Variants in EPB41L1 observed in about 807,000 individuals in gnomAD.
The protein encoded by EPB41L1 is band 4.1-like protein 1.
Under a neutral mutation model 97.8 loss-of-function variants are expected in EPB41L1, and 29 were observed. That is an observed-to-expected ratio of 0.30 (90% confidence interval 0.22 to 0.40). EPB41L1 has a LOEUF of 0.40. Ranked by LOEUF, EPB41L1 falls within the 10% of genes least tolerant of loss-of-function variation. The pLI is 1.00. For missense variants in EPB41L1, 812 were observed against 1,162.3 expected (o/e 0.70, Z 4.38); for synonymous variants, 383 against 459.2 (o/e 0.83, Z 2.12).
chr20:36,122,992 T>C (rs960756093), intron 2 of EPB41L1, among the ~76,000 whole-genome samples: 6 of 152,000 alleles, frequency 3.9e-5, no homozygotes, highest in African/African-American at 1.2e-4. Context: ...GCCAACATCC[T>C]AGCAAGCATC....
At position 36,212,870 on chromosome 20, in the gene EPB41L1, A is replaced by G. The variant is rs867918817; in HGVS notation, c.2184+494A>G. 3.3e-5 allele frequency among the ~76,000 whole-genome samples: 5 copies of G among 152,258 alleles called. No homozygotes were observed. Among genetic ancestry groups the G allele is most frequent in the African/African-American group, 1.2e-4 (5 of 41,466 alleles). Reference sequence around the variant, plus strand: ...ATCAGTAAAATGAACAAAGTGAAAGAAGAAAACCGAAGATCATGTGTCTTG... The same window carrying G: ...ATCAGTAAAATGAACAAAGTGAAAGGAGAAAACCGAAGATCATGTGTCTTG... On this transcript the variant is annotated intron_variant, in intron 16 of 21. Transcript: ENST00000338074. The surrounding 1 kb of genome is among the most constrained non-coding windows in gnomAD (Gnocchi z 4.8).
At chr20:36,103,411 A>G (rs1226240105) in intron 1 of EPB41L1, among the ~76,000 whole-genome samples, 1 of 151,916 alleles carries the variant, frequency 6.6e-6, no homozygotes, top group Admixed American at 6.6e-5. Flanking sequence ...CCCTCCCTCT[A>G]TTTGTGGATT....
chr20:36,216,395 CG>C (rs1190140160), intron 17 of EPB41L1, among the ~76,000 whole-genome samples: 1 of 151,870 alleles, frequency 6.6e-6, no homozygotes, highest in African/African-American at 2.4e-5. Context: ...GAGGAGGAGT[CG>C]GGGGGGAAGA....
At chr20:36,155,937 C>T (rs2060281672) in intron 1 of EPB41L1, among the ~76,000 whole-genome samples, 4 of 144,482 alleles carry the variant, frequency 2.8e-5, no homozygotes, top group Admixed American at 2.7e-4. Context: ...TAGGAGCCTT[C>T]CAGAATCAGT....
intron 3 of EPB41L1, 63 bp downstream of exon 3, chr20:36,175,778 G>A (rs2061201370): frequency 1.3e-6 from 2 of 1,590,364 alleles, no homozygotes; most frequent in Admixed American, 3.4e-5. Context: ...TCCAGGGCAG[G>A]CTCCTGTGTG....
rs113042167 is a variant in EPB41L1, at chr20:36,171,144, T to A, written c.-14-2620T>A. On this transcript the variant is annotated intron_variant, in intron 1 of 21. Transcript: ENST00000338074. ...ATGAGTCTGTGATGCTTTTTTTTTTTTTCTTTTTAAGCAAAATTAAGTAGG... is the reference window on the plus strand; with the variant it reads ...ATGAGTCTGTGATGCTTTTTTTTTTATTCTTTTTAAGCAAAATTAAGTAGG... 3.0e-3 allele frequency among the ~76,000 whole-genome samples: 449 copies of A among 151,960 alleles called. 5 individuals are homozygous for A. Among genetic ancestry groups the A allele is most frequent in the African/African-American group, 0.011 (442 of 41,394 alleles).
chr20:36,190,100 C>G lies in EPB41L1; in HGVS notation c.1027-177C>G, dbSNP rs1465138968. The stretch of plus-strand genomic sequence containing the variant: ...CTGAGGCAGGAGGATCTCTTGAGCC[C>G]AGGAATTCAAGGTTACAGTGAGCTA... On this transcript the variant is annotated intron_variant, in intron 9 of 21. Transcript: ENST00000338074. This position sits in a 1 kb window ranked among gnomAD's most constrained non-coding sequence, Gnocchi z 5.8. 6.6e-6 allele frequency among the ~76,000 whole-genome samples: 1 copy of G among 152,052 alleles called. No individual in the cohort carries two copies. Among genetic ancestry groups the G allele is most frequent in the Non-Finnish European group, 1.5e-5 (1 of 68,022 alleles).
chr20:36,228,072 G>C (rs2147222656), intron 21 of EPB41L1, among the ~76,000 whole-genome samples: 1 of 152,332 alleles, frequency 6.6e-6, no homozygotes, highest in South Asian at 2.1e-4. Context: ...TTTCCTATGT[G>C]TCAAATGAGC....
intron 6 of EPB41L1, among the ~76,000 whole-genome samples, chr20:36,184,471 T>C (rs957025217): frequency 5.9e-5 from 9 of 152,228 alleles, no homozygotes; most frequent in African/African-American, 1.9e-4. Flanking sequence ...ACCAATTTGT[T>C]TTCAGACAAT....
At position 36,154,825 on chromosome 20, in the gene EPB41L1, G is replaced by C. The variant is rs1303729987; in HGVS notation, c.-86G>C. 8.1e-6 allele frequency: 8 copies of C among 993,244 alleles called. No individual in the cohort carries two copies. In the Admixed American group the frequency reaches 4.2e-4, roughly 53 times the overall value. 61.5% of individuals were successfully genotyped at this position (993,244 alleles called of 1,614,324 possible). On this transcript the variant is annotated 5_prime_UTR_variant, in exon 1 of 22. Transcript: ENST00000338074. The surrounding 1 kb of genome is among the most constrained non-coding windows in gnomAD (Gnocchi z 5.5). Reference sequence around the variant, plus strand: ...CGACCCCGCGCCGCCCCGCCCCGCGGCCTGCCTGCCAGAGGAGCCGAGGGG... The same window carrying C: ...CGACCCCGCGCCGCCCCGCCCCGCGCCCTGCCTGCCAGAGGAGCCGAGGGG...
intron 14 of EPB41L1, chr20:36,208,257 G>A (rs761127821): frequency 7.9e-6 from 3 of 378,506 alleles, no homozygotes; most frequent in Admixed American, 3.2e-5. Context: ...CCAGTGCCAA[G>A]TTTCTTTCTG....
chr20:36,108,368 G>T (rs2058270799), intron 1 of EPB41L1, among the ~76,000 whole-genome samples: 2 of 151,870 alleles, frequency 1.3e-5, no homozygotes, highest in South Asian at 4.2e-4. Context: ...TCATTCCTTT[G>T]TGCTTTTTAA....
At chr20:36,186,674 C>T (rs185455846) in intron 7 of EPB41L1, among the ~76,000 whole-genome samples, 1 of 152,250 alleles carries the variant, frequency 6.6e-6, no homozygotes, top group Admixed American at 6.5e-5. Flanking sequence ...ATTTGTCATC[C>T]CTGTCCTAGA....
chr20:36,221,150 C>G (rs2063757493), intron 19 of EPB41L1, among the ~76,000 whole-genome samples: 1 of 152,240 alleles, frequency 6.6e-6, no homozygotes, highest in Non-Finnish European at 1.5e-5. Context: ...TCTATCCACT[C>G]CTGACTCCAG....
chr20:36,156,505 G>A (rs2060308111), intron 1 of EPB41L1, among the ~76,000 whole-genome samples: 1 of 152,242 alleles, frequency 6.6e-6, no homozygotes, highest in Non-Finnish European at 1.5e-5. Flanking sequence ...AAGCAGCTGA[G>A]CGGGGGAGTC....
intron 14 of EPB41L1, chr20:36,205,773 A>C: frequency 1.6e-6 from 2 of 1,214,074 alleles, no homozygotes; most frequent in Non-Finnish European, 1.1e-6. Flanking sequence ...GTCCCCTCTT[A>C]CAAAGGGAAA....
At chr20:36,228,866 GA>G (rs2064342558) in intron 21 of EPB41L1, among the ~76,000 whole-genome samples, 1 of 151,800 alleles carries the variant, frequency 6.6e-6, no homozygotes, top group East Asian at 1.9e-4. Flanking sequence ...GACAAGATAG[GA>G]AGAAAAAGTA....
rs185999971 is a variant in EPB41L1, at chr20:36,174,607, G to A, written c.177+653G>A. Among the ~76,000 whole-genome samples the A allele has an allele frequency of 3.5e-3, 522 of 147,972 alleles. 1 individual carries two copies. The highest frequency in any genetic ancestry group is 9.7e-3 in the African/African-American group (389 of 40,010). On this transcript the variant is annotated intron_variant, in intron 2 of 21. Coordinates refer to ENST00000338074, the MANE Select transcript of EPB41L1 (RefSeq NM_012156.2). ...TTTTTTTAACTTTCAGTAGAGATGA[G>A]GTCTTGCTATGCTGCCTAGACTGGT...
rs147496928 is a variant in EPB41L1, at chr20:36,227,130, C to A, written c.2638-2202C>A. ...AGGGGTTCAAGACCAGCCTGGCCATCATAATGAGACCTTCGTTTCTATAAA... is the reference window on the plus strand; with the variant it reads ...AGGGGTTCAAGACCAGCCTGGCCATAATAATGAGACCTTCGTTTCTATAAA... On this transcript the variant is annotated intron_variant, in intron 21 of 21. Transcript: ENST00000338074. Among the ~76,000 whole-genome samples, 651 of 152,130 alleles carry A rather than the reference C, an allele frequency of 4.3e-3. 4 individuals carry two copies. The highest frequency in any genetic ancestry group is 7.3e-3 in the Non-Finnish European group (497 of 67,984).
Sources: allele counts gnomAD v4.1 joint callset (sites outside exome capture counted in the v4.1 genomes callset), GRCh38; gene constraint gnomAD v4.1.1; non-coding constraint Gnocchi (gnomAD v3.1); transcripts MANE v1.5; gene names NCBI Gene and HGNC (gene_info 2026-07-23, HGNC 2026-07-21).